Variants in ZNF385D observed in about 807,000 individuals in gnomAD.
ZNF385D encodes the protein zinc finger protein 659.
In ZNF385D, 15 loss-of-function variants were observed where a neutral mutation model predicts 35.8. The observed-to-expected ratio is 0.42, with a 90% CI of 0.28 to 0.64. The LOEUF (loss-of-function observed/expected upper bound fraction) is 0.64. Among genes scored for constraint, ZNF385D ranks in the 30% least tolerant of loss-of-function variants. The pLI is 0.23. For missense variants in ZNF385D, 474 were observed against 494.6 expected (o/e 0.96, Z 0.39); for synonymous variants, 212 against 186.8 (o/e 1.13, Z -1.10).
chr3:21,640,342 C>T (rs890984311), intron 2 of ZNF385D, among the ~76,000 whole-genome samples: 1 of 152,046 alleles, frequency 6.6e-6, no homozygotes, highest in Non-Finnish European at 1.5e-5. Context: ...AAACCATGTT[C>T]TTAAGGTCTA....
At chr3:21,767,290 C>A (rs1381944330) in intron 3 of ZNF385D, among the ~76,000 whole-genome samples, 1 of 151,886 alleles carries the variant, frequency 6.6e-6, no homozygotes, top group Non-Finnish European at 1.5e-5. Flanking sequence ...GTCTTTTTAG[C>A]TCAACTGCCA....
At chr3:21,771,051 G>T (rs1205895053) in intron 3 of ZNF385D, among the ~76,000 whole-genome samples, 1 of 148,894 alleles carries the variant, frequency 6.7e-6, no homozygotes, top group Non-Finnish European at 1.5e-5. Flanking sequence ...GAAAACACTT[G>T]GACACAGGAA....
intron 3 of ZNF385D, among the ~76,000 whole-genome samples, chr3:21,523,702 C>G (rs1708051804): frequency 6.6e-6 from 1 of 152,042 alleles, no homozygotes; most frequent in Non-Finnish European, 1.5e-5. Flanking sequence ...GAAGTCAGCT[C>G]TTGCACAAAG....
intron 2 of ZNF385D, among the ~76,000 whole-genome samples, chr3:21,624,963 C>T (rs1279680379): frequency 6.6e-6 from 1 of 151,958 alleles, no homozygotes; most frequent in Non-Finnish European, 1.5e-5. Flanking sequence ...ATAAAGATTC[C>T]ATAAAAATTG....
At chr3:21,769,419 C>T (rs6772295) in intron 3 of ZNF385D, among the ~76,000 whole-genome samples, 30,891 of 81,198 alleles carry the variant, frequency 0.38, 7,053 homozygotes, top group East Asian at 0.64. Flanking sequence ...GCAAAAATCA[C>T]ATGCATTCTT....
Position 21,421,430 on chromosome 3 carries a change from T to A in ZNF385D, c.972A>T (p.Ser324=), listed in dbSNP as rs1460599353. 1 of 1,612,510 alleles carries A rather than the reference T, an allele frequency of 6.2e-7. No individual in the cohort carries two copies. Among genetic ancestry groups the A allele is most frequent in the Non-Finnish European group, 8.5e-7 (1 of 1,178,908 alleles). ...AHPLGVKLVF[S]KEPSKPLAPR... is the part of the protein sequence containing the mutation. ...GAGCCAATGGCTTTGAAGGTTCTTT[T>A]GAAAATACTAATTTTACCTGCAAGG... The change falls in exon 8 of 8, where the codon TCA becomes TCT. Residue 324 remains serine (S), a synonymous_variant. Coordinates refer to ENST00000281523, the MANE Select transcript of ZNF385D (RefSeq NM_024697.3).
chr3:22,164,866 G>A (rs1706211082), intron 3 of ZNF385D, among the ~76,000 whole-genome samples: 1 of 152,062 alleles, frequency 6.6e-6, no homozygotes, highest in Admixed American at 6.6e-5. Flanking sequence ...GCCATAAAAA[G>A]ACACAGAGAA....
chr3:21,636,396 A>ATGAT (rs1242307582), intron 2 of ZNF385D, among the ~76,000 whole-genome samples: 30 of 39,872 alleles, frequency 7.5e-4, no homozygotes, highest in African/African-American at 2.1e-3. Flanking sequence ...ATATATATAT[A>ATGAT]TATATATATA....
chr3:21,858,606 G>A (rs1207716514), intron 3 of ZNF385D, among the ~76,000 whole-genome samples: 2 of 151,904 alleles, frequency 1.3e-5, no homozygotes, highest in Non-Finnish European at 2.9e-5. Flanking sequence ...TCTCTCAGGA[G>A]ACACTGCATC....
intron 2 of ZNF385D, among the ~76,000 whole-genome samples, chr3:21,627,541 C>G (rs1386303794): frequency 6.6e-6 from 1 of 152,018 alleles, no homozygotes; most frequent in Admixed American, 6.6e-5. Context: ...TATCTCATTC[C>G]CATCCCTGAA....
intron 2 of ZNF385D, among the ~76,000 whole-genome samples, chr3:22,257,871 T>A (rs891235559): frequency 6.6e-6 from 1 of 151,868 alleles, no homozygotes; most frequent in Non-Finnish European, 1.5e-5. Flanking sequence ...TGTATCAAGT[T>A]ATTTTCTAGT....
chr3:21,780,505 T>A (rs1332160605), intron 3 of ZNF385D, among the ~76,000 whole-genome samples: 1 of 152,050 alleles, frequency 6.6e-6, no homozygotes, highest in Non-Finnish European at 1.5e-5. Context: ...TTTTACTAAT[T>A]TACTGAAAAA....
At chr3:21,592,195 A>T (rs1419314976) in intron 2 of ZNF385D, among the ~76,000 whole-genome samples, 1 of 152,166 alleles carries the variant, frequency 6.6e-6, no homozygotes, top group Admixed American at 6.5e-5. Context: ...TTCTTGACTT[A>T]TCTAAACCAA....
At chr3:21,946,608 G>A (rs1187066219) in intron 3 of ZNF385D, among the ~76,000 whole-genome samples, 4 of 152,104 alleles carry the variant, frequency 2.6e-5, no homozygotes, top group African/African-American at 9.7e-5. Flanking sequence ...GAGGCAAGTG[G>A]ATCACTTGAG....
At position 21,465,154 on chromosome 3, in the gene ZNF385D, G is replaced by A. The variant is rs1324556648; in HGVS notation, c.440-27951C>T. On this transcript the variant is annotated intron_variant, in intron 4 of 7. Coordinates refer to ENST00000281523, the MANE Select transcript of ZNF385D (RefSeq NM_024697.3). This position sits in a 1 kb window ranked among gnomAD's most constrained non-coding sequence, Gnocchi z 4.2. ...ATTTTTGTTAAATATTTCTTTGCAC[G>A]TAAGTTTTCACTGTGCCCTTGAACA... Among the ~76,000 whole-genome samples the A allele has an allele frequency of 6.6e-6, 1 of 151,852 alleles. No individual in the cohort carries two copies. The highest frequency in any genetic ancestry group is 2.4e-5 in the African/African-American group (1 of 41,332).
chr3:21,635,834 T>A (rs534441464), intron 2 of ZNF385D, among the ~76,000 whole-genome samples: 2 of 152,264 alleles, frequency 1.3e-5, no homozygotes, highest in African/African-American at 4.8e-5. Flanking sequence ...CCTGAATTAC[T>A]TCACTTAGGA....
rs191558383 is a variant in ZNF385D at position 21,898,812 on chromosome 3, G to A, written c.326-233784C>T. On this transcript the variant is annotated intron_variant, in intron 3 of 5. Coordinates refer to the ZNF385D transcript ENST00000494108. The stretch of plus-strand genomic sequence containing the variant: ...AAAGCAAAGGCTACCACGACTCTCA[G>A]CATCACATTCATAAAGATAATCTCT... Among the ~76,000 whole-genome samples, 211 of 152,174 alleles carry A rather than the reference G, an allele frequency of 1.4e-3. 1 individual carries two copies. The highest frequency in any genetic ancestry group is 2.6e-3 in the Non-Finnish European group (178 of 67,994).
chr3:21,528,086 G>T (rs1474461755), intron 3 of ZNF385D, among the ~76,000 whole-genome samples: 1 of 152,090 alleles, frequency 6.6e-6, no homozygotes, highest in Non-Finnish European at 1.5e-5. Flanking sequence ...TTGAAACCAG[G>T]TCTCCCTGTC....
intron 3 of ZNF385D, among the ~76,000 whole-genome samples, chr3:21,883,227 G>T (rs530316587): frequency 3.8e-4 from 57 of 151,790 alleles, no homozygotes; most frequent in African/African-American, 1.4e-3. Context: ...GTGATTATTT[G>T]ATCTGTAAGA....
Sources: allele counts gnomAD v4.1 joint callset (sites outside exome capture counted in the v4.1 genomes callset), GRCh38; gene constraint gnomAD v4.1.1; non-coding constraint Gnocchi (gnomAD v3.1); transcripts MANE v1.5; gene names NCBI Gene and HGNC (gene_info 2026-07-23, HGNC 2026-07-21).